Variants in ST7L observed in about 807,000 individuals in gnomAD.
The protein encoded by ST7L is suppressor of tumorigenicity 7 protein-like.
Under a neutral mutation model 72.5 loss-of-function variants are expected in ST7L, and 57 were observed. The ratio of observed to expected loss-of-function variants is 0.79; its 90% CI spans 0.64 to 0.98. ST7L has a LOEUF of 0.98. Among genes scored for constraint, ST7L ranks in the 50% least tolerant of loss-of-function variants. The pLI, the probability that ST7L is intolerant of heterozygous loss-of-function variation, is 0.00. For missense variants in ST7L, 576 were observed against 672.2 expected (o/e 0.86, Z 1.58); for synonymous variants, 221 against 240.9 (o/e 0.92, Z 0.77).
chr1:112,602,406 T>C (rs1413472297), intron 3 of ST7L, among the ~76,000 whole-genome samples: 2 of 152,218 alleles, frequency 1.3e-5, no homozygotes, highest in East Asian at 3.8e-4. Flanking sequence ...TCACTTGTCT[T>C]ACTCGTCCTA....
chr1:112,588,537 T>C (rs12739994), intron 6 of ST7L, among the ~76,000 whole-genome samples: 26,209 of 152,194 alleles, frequency 0.17, 2,980 homozygotes, highest in Non-Finnish European at 0.26. Flanking sequence ...GAGATGGTCA[T>C]GTAGTTCTTG....
At chr1:112,556,093 CCA>C in intron 11 of ST7L, 75 bp from the exon 12 acceptor site, 1 of 1,146,316 alleles carries the variant, frequency 8.7e-7, no homozygotes, top group Non-Finnish European at 1.1e-6. Context: ...ATTCAAACAC[CCA>C]CAAAAATGTA....
downstream of ST7L, chr1:112,521,310 CCTTT>C (rs1190035633): frequency 3.8e-5 from 4 of 106,480 alleles, no homozygotes; most frequent in Non-Finnish European, 5.6e-5. Context: ...CCTTGTGTTG[CCTTT>C]TTTTTTTTTT....
chr1:112,616,600 G>A (rs985078893), intron 2 of ST7L, among the ~76,000 whole-genome samples: 8 of 151,882 alleles, frequency 5.3e-5, no homozygotes, highest in Non-Finnish European at 8.8e-5. Flanking sequence ...AAAATTATCC[G>A]GGCATGGTGG....
intron 14 of ST7L, 127 bp from the exon 15 acceptor site, chr1:112,526,238 C>T: frequency 7.6e-7 from 1 of 1,319,086 alleles, no homozygotes; most frequent in East Asian, 2.3e-5. Context: ...CAACCAATGG[C>T]TCTTTTGCCA....
chr1:112,591,510 A>G lies in ST7L; in HGVS notation c.701+15T>C. On this transcript the variant is annotated intron_variant, in intron 6 of 14. Coordinates refer to ENST00000358039, the MANE Select transcript of ST7L (RefSeq NM_017744.5). ...CCTTCAAAATAAATTTATTTTCCAT[A>G]TATTTCAAACTTACTCATTGTTTAA... The G allele has an allele frequency of 6.3e-7, 1 of 1,597,344 alleles. No homozygotes were observed. The highest frequency in any genetic ancestry group is 1.1e-5 in the South Asian group (1 of 88,320).
chr1:112,586,714 G>A (rs1304897667), intron 6 of ST7L, among the ~76,000 whole-genome samples: 35 of 152,084 alleles, frequency 2.3e-4, no homozygotes, highest in Non-Finnish European at 2.9e-5. Context: ...AATTCATTAT[G>A]TGAATACCTA....
intron 11 of ST7L, among the ~76,000 whole-genome samples, chr1:112,563,125 T>A (rs900216294): frequency 2.0e-4 from 29 of 147,210 alleles, no homozygotes; most frequent in African/African-American, 6.9e-4. Flanking sequence ...AATAATATAT[T>A]TTTTAAAGTA....
At chr1:112,541,161 T>C (rs571971483) in intron 14 of ST7L, among the ~76,000 whole-genome samples, 16 of 152,066 alleles carry the variant, frequency 1.1e-4, no homozygotes, top group Middle Eastern at 3.4e-3. Context: ...GGCATGTGCC[T>C]ATAGTCCCAG....
intron 14 of ST7L, chr1:112,526,844 G>A (rs1429816562): frequency 6.6e-6 from 1 of 152,118 alleles, no homozygotes; most frequent in Non-Finnish European, 1.5e-5. Flanking sequence ...GAGGGAATAA[G>A]TGTCCTAAGA....
At chr1:112,602,010 G>T (rs1667465338) in intron 3 of ST7L, among the ~76,000 whole-genome samples, 1 of 151,588 alleles carries the variant, frequency 6.6e-6, no homozygotes, top group Non-Finnish European at 1.5e-5. Context: ...CTTAAACCTG[G>T]GAGGCGGAGG....
intron 11 of ST7L, among the ~76,000 whole-genome samples, chr1:112,568,887 T>TAA (rs201784339): frequency 4.6e-5 from 6 of 131,558 alleles, no homozygotes; most frequent in East Asian, 4.8e-4. Context: ...TATATATATA[T>TAA]AAAACAAAAA....
At chr1:112,606,330 C>G (rs967019305) in intron 3 of ST7L, among the ~76,000 whole-genome samples, 2 of 152,164 alleles carry the variant, frequency 1.3e-5, no homozygotes, top group Admixed American at 1.3e-4. Context: ...CTAAGTGGTG[C>G]CACTTTGCTT....
intron 11 of ST7L, among the ~76,000 whole-genome samples, chr1:112,558,342 CT>C (rs1369154275): frequency 6.6e-6 from 1 of 152,130 alleles, no homozygotes; most frequent in East Asian, 1.9e-4. Context: ...TTGTGAAACA[CT>C]TTGTAAAACT....
At chr1:112,551,143 T>TC (rs1208992833) in intron 12 of ST7L, among the ~76,000 whole-genome samples, 1 of 92,522 alleles carries the variant, frequency 1.1e-5, no homozygotes, top group East Asian at 5.4e-4. Context: ...CAGATCTTTT[T>TC]TTTTTTTTTT....
Position 112,591,516 on chromosome 1 carries a change from C to T in ST7L, c.701+9G>A. 6.3e-7 allele frequency: 1 copy of T among 1,598,340 alleles called. No homozygotes were observed. The highest frequency in any genetic ancestry group is 8.5e-7 in the Non-Finnish European group (1 of 1,175,000). On this transcript the variant is annotated intron_variant, in intron 6 of 14. Transcript: ENST00000358039. ...AAATAAATTTATTTTCCATATATTT[C>T]AAACTTACTCATTGTTTAATTCTAA...
At chr1:112,533,466 G>A (rs1353458646) in intron 14 of ST7L, among the ~76,000 whole-genome samples, 4 of 151,730 alleles carry the variant, frequency 2.6e-5, no homozygotes, top group African/African-American at 7.3e-5. Flanking sequence ...CTACAGGCGC[G>A]CCACCACGCC....
At chr1:112,540,538 G>T (rs549364523) in intron 14 of ST7L, 4 of 985,424 alleles carry the variant, frequency 4.1e-6, no homozygotes, top group Non-Finnish European at 4.8e-6. Context: ...CATTCTTCTT[G>T]AAGTTTGACC....
At chr1:112,588,162 G>A (rs1665147815) in intron 6 of ST7L, among the ~76,000 whole-genome samples, 1 of 152,060 alleles carries the variant, frequency 6.6e-6, no homozygotes, top group Admixed American at 6.5e-5. Context: ...TCACAATTTT[G>A]TAAACTTTCA....
Sources: gnomAD v4.1 joint callset for allele counts (sites outside exome capture counted in the v4.1 genomes callset) on GRCh38, gnomAD v4.1.1 for gene constraint, MANE v1.5 for transcripts, NCBI Gene and HGNC (gene_info 2026-07-23, HGNC 2026-07-21) for gene names.